The following GLCCI1 variants were observed in gnomAD, a reference collection of about 807,000 sequenced individuals.
GLCCI1 encodes glucocorticoid induced 1, also known as glucocorticoid-induced transcript 1 protein.
Under a neutral mutation model 52.2 loss-of-function variants are expected in GLCCI1, and 24 were observed. The ratio of observed to expected loss-of-function variants is 0.46; its 90% CI spans 0.33 to 0.65. The LOEUF (loss-of-function observed/expected upper bound fraction) is 0.65, where lower values mean the gene tolerates loss of function less well. Ranked by LOEUF, GLCCI1 falls within the 30% of genes least tolerant of loss-of-function variation. GLCCI1 has a pLI of 0.02. For missense variants in GLCCI1, 704 were observed against 701.5 expected (o/e 1.00, Z -0.04); for synonymous variants, 310 against 276.5 (o/e 1.12, Z -1.20).
intron 3 of GLCCI1, among the ~76,000 whole-genome samples, chr7:8,050,086 G>A (rs184303273): frequency 4.5e-4 from 68 of 152,240 alleles, no homozygotes; most frequent in Non-Finnish European, 8.1e-4. Flanking sequence ...TCGGGGGTGC[G>A]TGGTGTGTGG....
intron 1 of GLCCI1, among the ~76,000 whole-genome samples, chr7:7,971,110 G>A (rs1780345357): frequency 6.6e-6 from 1 of 152,184 alleles, no homozygotes; most frequent in African/African-American, 2.4e-5. Context: ...GTAGGATGTA[G>A]TGCAGTGGGA....
At chr7:8,011,921 T>C (rs1022288837) in intron 2 of GLCCI1, among the ~76,000 whole-genome samples, 1 of 152,094 alleles carries the variant, frequency 6.6e-6, no homozygotes, top group East Asian at 1.9e-4. Context: ...GTTCACGCCA[T>C]TCTCCTGCCT....
chr7:7,992,715 C>T (rs540221452), intron 1 of GLCCI1, among the ~76,000 whole-genome samples: 2 of 152,038 alleles, frequency 1.3e-5, no homozygotes, highest in African/African-American at 4.8e-5. Flanking sequence ...CATGTTGGAC[C>T]TTCTTTGCCT....
chr7:8,039,335 A>C (rs953118694), intron 3 of GLCCI1, among the ~76,000 whole-genome samples: 1 of 152,158 alleles, frequency 6.6e-6, no homozygotes, highest in Non-Finnish European at 1.5e-5. Flanking sequence ...AAAGATAAGG[A>C]ATTAAGTTCA....
chr7:8,037,477 G>T (rs1583990486), intron 3 of GLCCI1, among the ~76,000 whole-genome samples: 2 of 152,236 alleles, frequency 1.3e-5, no homozygotes, highest in South Asian at 2.1e-4. Context: ...TTATAAAACA[G>T]TTCCACAACT....
chr7:7,981,314 C>G (rs1403303794), intron 1 of GLCCI1: 1 of 228,066 alleles, frequency 4.4e-6, no homozygotes, highest in African/African-American at 2.5e-5. Flanking sequence ...TTCTTTCTGT[C>G]TCTCTTTCTT....
At chr7:8,073,194 C>G (rs1782801333) in intron 6 of GLCCI1, among the ~76,000 whole-genome samples, 1 of 152,080 alleles carries the variant, frequency 6.6e-6, no homozygotes, top group African/African-American at 2.4e-5. Flanking sequence ...GGACATAAAA[C>G]CTGCATTAAT....
Position 8,060,252 on chromosome 7 carries a change from A to G in GLCCI1, c.966+4A>G. 6.2e-7 allele frequency: 1 copy of G among 1,605,062 alleles called. No individual in the cohort carries two copies. Among genetic ancestry groups the G allele is most frequent in the South Asian group, 1.1e-5 (1 of 90,204 alleles). ...TGGGAAGGAAGAAGTATCCAAGGTA[A>G]GGTTACATGGGATATTTGAATCCTT... On this transcript the variant is annotated splice_donor_region_variant and intron_variant, in intron 5 of 7. Coordinates refer to ENST00000223145, the MANE Select transcript of GLCCI1 (RefSeq NM_138426.4).
intron 6 of GLCCI1, among the ~76,000 whole-genome samples, chr7:8,075,226 G>A (rs1782851626): frequency 6.6e-6 from 1 of 152,104 alleles, no homozygotes; most frequent in South Asian, 2.1e-4. Flanking sequence ...GAAAGTTTCA[G>A]CTATTGAGAG....
chr7:8,059,895 G>C (rs931676549), intron 4 of GLCCI1, among the ~76,000 whole-genome samples: 4 of 152,106 alleles, frequency 2.6e-5, no homozygotes, highest in Non-Finnish European at 4.4e-5. Flanking sequence ...GATTTGAAAG[G>C]ATTATTTTGA....
intron 2 of GLCCI1, among the ~76,000 whole-genome samples, chr7:8,008,412 A>G (rs965528930): frequency 1.9e-4 from 29 of 151,724 alleles, no homozygotes; most frequent in African/African-American, 6.5e-4. Flanking sequence ...CAGCCTCCCA[A>G]GTAGCTGGGA....
intron 6 of GLCCI1, among the ~76,000 whole-genome samples, chr7:8,074,967 C>T (rs150296381): frequency 0.017 from 2,604 of 152,158 alleles, 42 homozygotes; most frequent in Middle Eastern, 0.027. Context: ...AGAGGGATAG[C>T]TGCAGTGAAT....
intron 5 of GLCCI1, among the ~76,000 whole-genome samples, chr7:8,065,187 T>C (rs1381374744): frequency 6.6e-6 from 1 of 152,188 alleles, no homozygotes; most frequent in African/African-American, 2.4e-5. Flanking sequence ...TGTGATTGTG[T>C]TCTGTATTTG....
rs116174271 is a variant in GLCCI1 at position 8,058,982 on chromosome 7, T to C, written c.814-1114T>C. On this transcript the variant is annotated intron_variant, in intron 4 of 7. Transcript: ENST00000223145. The stretch of plus-strand genomic sequence containing the variant: ...ATAAAAGCATAAGGAAGAAAAAATA[T>C]GTTCAGTGTTCATTAAGTGGAAGTG... 5.6e-3 allele frequency among the ~76,000 whole-genome samples: 855 copies of C among 152,282 alleles called. 3 individuals carry two copies. The highest frequency in any genetic ancestry group is 0.019 in the African/African-American group (795 of 41,556).
chr7:7,994,755 A>G (rs1458982723), intron 1 of GLCCI1, among the ~76,000 whole-genome samples: 1 of 152,192 alleles, frequency 6.6e-6, no homozygotes, highest in Non-Finnish European at 1.5e-5. Context: ...GCATCTTCAT[A>G]TTGTTGGAAT....
chr7:8,031,233 T>C (rs1330201460), intron 3 of GLCCI1, among the ~76,000 whole-genome samples: 1 of 152,106 alleles, frequency 6.6e-6, no homozygotes, highest in Non-Finnish European at 1.5e-5. Flanking sequence ...CCTATCATAA[T>C]GACGTCCAGT....
intron 4 of GLCCI1, among the ~76,000 whole-genome samples, chr7:8,059,322 T>G (rs1167028569): frequency 2.0e-5 from 3 of 152,140 alleles, no homozygotes; most frequent in African/African-American, 7.2e-5. Flanking sequence ...ATATTATTAG[T>G]GTGCTAACCA....
At chr7:8,081,718 A>G (rs1489200479) in intron 6 of GLCCI1, among the ~76,000 whole-genome samples, 1 of 152,166 alleles carries the variant, frequency 6.6e-6, no homozygotes, top group Non-Finnish European at 1.5e-5. Flanking sequence ...CCAAACTCTA[A>G]TTTATTATCA....
Position 8,022,486 on chromosome 7 carries a change from C to T in GLCCI1, c.613C>T (p.Pro205Ser), listed in dbSNP as rs775260885. Reference protein sequence around the residue: ...SCMKDKATQTPSCWAEEGAEK... With the variant: ...SCMKDKATQTSSCWAEEGAEK... ...TTTATATATATATTTTTTAAAGACA[C>T]CTAGCTGTTGGGCAGAAGAGGGTGC... Residue 205 changes from proline (P) to serine (S), a missense_variant, in exon 3 of 8, where the codon CCT becomes TCT. By Grantham distance (74) the Pro-to-Ser change is moderately conservative (BLOSUM62 -1). Coordinates refer to ENST00000223145, the MANE Select transcript of GLCCI1 (RefSeq NM_138426.4). 4 of 1,554,772 alleles carry T rather than the reference C, an allele frequency of 2.6e-6. No homozygotes were observed. Among genetic ancestry groups the T allele is most frequent in the Non-Finnish European group, 3.5e-6 (4 of 1,146,702 alleles).
Sources: allele counts gnomAD v4.1 joint callset (sites outside exome capture counted in the v4.1 genomes callset), GRCh38; gene constraint gnomAD v4.1.1; transcripts MANE v1.5; gene names NCBI Gene and HGNC (gene_info 2026-07-23, HGNC 2026-07-21).